Variants in KIF1A observed in about 807,000 individuals in gnomAD.
KIF1A encodes kinesin-like protein KIF1A.
Under a neutral mutation model 227.3 loss-of-function variants are expected in KIF1A, and 46 were observed. That is an observed-to-expected ratio of 0.20 (90% CI 0.16 to 0.26). The LOEUF is 0.26. KIF1A is among the 10% of genes least tolerant of loss of function. The pLI is 1.00. For synonymous variants in KIF1A, 1,022 were observed against 1,012.8 expected (o/e 1.01, Z -0.17); for missense variants, 1,683 against 2,485.9 (o/e 0.68, Z 6.87).
chr2:240,727,306 A>G (rs762184703), intron 38 of KIF1A, among the ~76,000 whole-genome samples: 16 of 152,116 alleles, frequency 1.1e-4, no homozygotes, highest in Non-Finnish European at 2.1e-4. Flanking sequence ...TGTGGGGAAC[A>G]CAGGGAAGGG....
chr2:240,805,000 G>A (rs949263099), intron 1 of KIF1A, among the ~76,000 whole-genome samples: 1 of 146,794 alleles, frequency 6.8e-6, no homozygotes, highest in African/African-American at 2.5e-5. Flanking sequence ...AAAAGGAGAG[G>A]AGAGAAGAAG....
chr2:240,759,115 A>G (rs925199791), intron 25 of KIF1A, among the ~76,000 whole-genome samples: 1 of 151,672 alleles, frequency 6.6e-6, no homozygotes, highest in Non-Finnish European at 1.5e-5. Context: ...TATGCTGTGT[A>G]TATGTGCACA....
chr2:240,717,647 G>T (rs540674556), intron 48 of KIF1A, among the ~76,000 whole-genome samples: 1 of 152,176 alleles, frequency 6.6e-6, no homozygotes, highest in African/African-American at 2.4e-5. Context: ...AGCTCCTTCC[G>T]CAGCCTGCCC....
rs527977882 is a variant in KIF1A, at chr2:240,719,156, C to A, written c.5064G>T (p.Pro1688=). 21 of 1,611,690 alleles carry A rather than the reference C, an allele frequency of 1.3e-5. 1 individual carries two copies. In the South Asian group the frequency reaches 2.2e-4, roughly 17 times the overall value. ...SKKGYLHFLE[P]HTSGWARRFV... is the part of the protein sequence containing the mutation. ...AGCGCCTGGCCCAGCCTGACGTGTG[C>A]GGCTCCAGGAAGTGCAGGTACCCCT... is the stretch of plus-strand genomic sequence containing the variant. The change falls in exon 47 of 49, where the codon CCG becomes CCT. Residue 1688 remains proline (P), a synonymous_variant. Transcript: ENST00000498729.
In KIF1A at chr2:240,787,329, G is replaced by C. The variant is rs768101830; in HGVS notation, c.364-13C>G. The C allele has an allele frequency of 6.2e-7, 1 of 1,612,404 alleles. No homozygotes were observed. Among genetic ancestry groups the C allele is most frequent in the East Asian group, 2.2e-5 (1 of 44,866 alleles). ...GGTCCTCGCAGAGCTGCAGGAATGG[G>C]GGGACAGTCAGCCAGGGAGGGCTGG... On this transcript the variant is annotated splice_polypyrimidine_tract_variant and intron_variant, in intron 4 of 48. Transcript: ENST00000498729.
intron 32 of KIF1A, 107 bp from the exon 33 acceptor site, chr2:240,744,167 C>A: frequency 1.3e-6 from 1 of 795,574 alleles, no homozygotes. Flanking sequence ...GATCTGGGAC[C>A]CCTAGCTGGG....
chr2:240,757,802 G>A lies in KIF1A; in HGVS notation c.2583-208C>T, dbSNP rs1015483469. On this transcript the variant is annotated intron_variant, in intron 26 of 48. Coordinates refer to ENST00000498729, the MANE Select transcript of KIF1A (RefSeq NM_001244008.2). The surrounding 1 kb of genome is among the most constrained non-coding windows in gnomAD (Gnocchi z 6.2). Reference sequence around the variant, plus strand: ...CATGTATGGCCAGCAGGAAGGTTCCGGAAGGTTCCGGAGGACACCTGCAGG... The same window carrying A: ...CATGTATGGCCAGCAGGAAGGTTCCAGAAGGTTCCGGAGGACACCTGCAGG... Among the ~76,000 whole-genome samples, 4 of 152,114 alleles carry A rather than the reference G, an allele frequency of 2.6e-5. No homozygotes were observed. Among genetic ancestry groups the A allele is most frequent in the Non-Finnish European group, 5.9e-5 (4 of 68,000 alleles).
chr2:240,714,387 T>A lies in KIF1A; in HGVS notation c.*2977A>T, dbSNP rs2044424770. 2 of 152,414 alleles carry A rather than the reference T, an allele frequency of 1.3e-5. No individual in the cohort carries two copies. Among genetic ancestry groups the A allele is most frequent in the Admixed American group, 1.3e-4 (2 of 15,282 alleles). 9.4% of individuals were successfully genotyped at this position (152,414 alleles called of 1,614,324 possible). A position where few individuals can be genotyped will look rare whatever the true frequency, so the allele number is the denominator to read the frequency against. On this transcript the variant is annotated 3_prime_UTR_variant, in exon 49 of 49. Coordinates refer to ENST00000498729, the MANE Select transcript of KIF1A (RefSeq NM_001244008.2). Reference sequence around the variant, plus strand: ...GTGCTGGTCGGCCTGGAGCCCGGCATCCCCATCTATCTGGAGCCGCAGCGG... The same window carrying A: ...GTGCTGGTCGGCCTGGAGCCCGGCAACCCCATCTATCTGGAGCCGCAGCGG...
In KIF1A at chr2:240,717,113, G is replaced by A. The variant is rs2044657084; in HGVS notation, c.*251C>T. On this transcript the variant is annotated 3_prime_UTR_variant, in exon 49 of 49. Transcript: ENST00000498729. ...AAGAACCCCCGTAACCTGTGCCCTT[G>A]GCCCCCCCAGCCTCTCCCAACTTGT... 6.4e-6 allele frequency: 3 copies of A among 471,232 alleles called. No homozygotes were observed. The highest frequency in any genetic ancestry group is 1.1e-5 in the Non-Finnish European group (3 of 265,360). 29.2% of individuals were successfully genotyped at this position (471,232 alleles called of 1,614,324 possible).
chr2:240,820,659 C>G (rs917096409), upstream of KIF1A, among the ~76,000 whole-genome samples: 1 of 150,720 alleles, frequency 6.6e-6, no homozygotes, highest in Admixed American at 6.6e-5. This position sits in a 1 kb window ranked among gnomAD's most constrained non-coding sequence, Gnocchi z 6.2. Flanking sequence ...CAGCGACAGA[C>G]GCATCGTGGG....
intron 2 of KIF1A, among the ~76,000 whole-genome samples, chr2:240,791,784 C>T (rs1040788383): frequency 1.3e-5 from 2 of 152,140 alleles, no homozygotes; most frequent in Admixed American, 6.5e-5. Context: ...GGTGAGTGGG[C>T]GGGAGTGGGG....
At chr2:240,768,578 C>T (rs2051506786) in intron 17 of KIF1A, among the ~76,000 whole-genome samples, 1 of 152,044 alleles carries the variant, frequency 6.6e-6, no homozygotes, top group Non-Finnish European at 1.5e-5. Flanking sequence ...GGCTGCTGTG[C>T]CATGCCCCAC....
At chr2:240,816,274 ATG>A (rs760728954) in intron 1 of KIF1A, among the ~76,000 whole-genome samples, 72 of 151,666 alleles carry the variant, frequency 4.7e-4, no homozygotes, top group Admixed American at 1.4e-3. Flanking sequence ...ATGAGCATGC[ATG>A]TGTGTGTATG....
At chr2:240,731,552 C>T (rs983486031) in intron 38 of KIF1A, among the ~76,000 whole-genome samples, 7 of 152,210 alleles carry the variant, frequency 4.6e-5, no homozygotes, top group Non-Finnish European at 1.0e-4. Context: ...CCCTGGAGGT[C>T]GCTGTCCTCA....
rs778192994 is a variant in KIF1A, at chr2:240,715,483, G to C, written c.*1881C>G. On this transcript the variant is annotated 3_prime_UTR_variant, in exon 49 of 49. Transcript: ENST00000498729. ...CCACACCGCACCTGAGCCCAGGTAC[G>C]AAAAGGCGAGCCCACAGTCCCAGCT... The C allele has an allele frequency of 6.6e-6, 1 of 152,224 alleles. No individual in the cohort carries two copies. The highest frequency in any genetic ancestry group is 1.5e-5 in the Non-Finnish European group (1 of 68,050). 9.4% of individuals were successfully genotyped at this position (152,224 alleles called of 1,614,324 possible).
Position 240,797,763 on chromosome 2 carries a change from T to A in KIF1A, c.-11A>T, listed in dbSNP as rs1156904909. On this transcript the variant is annotated 5_prime_UTR_variant, in exon 2 of 49. The change creates a new upstream start codon in the 5' untranslated region. Transcript: ENST00000498729. Reference sequence around the variant, plus strand: ...CGAAGCCCCGGCCATCTCTGTGGCCTTCGTGGGTCACTCCTCGCAGTAGTG... The same window carrying A: ...CGAAGCCCCGGCCATCTCTGTGGCCATCGTGGGTCACTCCTCGCAGTAGTG... 1.3e-6 allele frequency: 2 copies of A among 1,584,150 alleles called. No homozygotes were observed. Among genetic ancestry groups the A allele is most frequent in the Non-Finnish European group, 1.7e-6 (2 of 1,158,258 alleles).
chr2:240,774,227 C>T lies in KIF1A; in HGVS notation c.993G>A (p.Leu331=). 6.2e-7 allele frequency: 1 copy of T among 1,611,916 alleles called. No homozygotes were observed. The highest frequency in any genetic ancestry group is 2.2e-5 in the East Asian group (1 of 44,810). ...GNSRTAMVAA[L]SPADINYDET... is the part of the protein sequence containing the mutation. ...CATCGTAGTTGATGTCTGCAGGACT[C>T]AAGGCTGCCACCATAGCTGTCCTTG... The change falls in exon 12 of 49, where the codon TTG becomes TTA. Residue 331 remains leucine (L), a synonymous_variant. Transcript: ENST00000498729.
In KIF1A at chr2:240,716,402, C is replaced by T. The variant is rs2044601241; in HGVS notation, c.*962G>A. 6.6e-6 allele frequency: 1 copy of T among 152,352 alleles called. No homozygotes were observed. Among genetic ancestry groups the T allele is most frequent in the Admixed American group, 6.5e-5 (1 of 15,280 alleles). 9.4% of individuals were successfully genotyped at this position (152,352 alleles called of 1,614,324 possible). ...CCTGAATTCCGATCTTCCCTGACTT[C>T]CTGGTCTCAACCCACCACCCTACCC... On this transcript the variant is annotated 3_prime_UTR_variant, in exon 49 of 49. Coordinates refer to ENST00000498729, the MANE Select transcript of KIF1A (RefSeq NM_001244008.2).
In KIF1A at chr2:240,797,600, C is replaced by A. The variant is rs10167412; in HGVS notation, c.106+47G>T. The A allele has an allele frequency of 0.31, 426,641 of 1,364,208 alleles. 68,153 individuals carry two copies. The highest frequency in any genetic ancestry group is 0.43 in the East Asian group (18,220 of 42,582). The allele number at this position is 1,364,208 out of a possible 1,614,324, so 84.5% of individuals were successfully genotyped here. On this transcript the variant is annotated intron_variant, in intron 2 of 48. Coordinates refer to ENST00000498729, the MANE Select transcript of KIF1A (RefSeq NM_001244008.2). Reference sequence around the variant, plus strand: ...GGCCCATAGGCACAGGACCATGGCCCCCAGCAACCCATGGCCGACCCCGAT... The same window carrying A: ...GGCCCATAGGCACAGGACCATGGCCACCAGCAACCCATGGCCGACCCCGAT...
Sources: allele counts gnomAD v4.1 joint callset (sites outside exome capture counted in the v4.1 genomes callset), GRCh38; gene constraint gnomAD v4.1.1; non-coding constraint Gnocchi (gnomAD v3.1); transcripts MANE v1.5; gene names NCBI Gene and HGNC (gene_info 2026-07-23, HGNC 2026-07-21).